MSH6: variants seen among roughly 807,000 people sequenced by gnomAD.
MSH6 encodes the protein mutS homolog 6, also known as DNA mismatch repair protein Msh6.
Under a neutral mutation model 119.1 loss-of-function variants are expected in MSH6, and 85 were observed. The ratio of observed to expected loss-of-function variants is 0.71; its 90% confidence interval spans 0.60 to 0.85. MSH6 has a LOEUF of 0.85. Ranked by LOEUF, MSH6 falls within the 40% of genes least tolerant of loss-of-function variation. The pLI is 0.00. For missense variants in MSH6, 2,163 were observed against 1,655.3 expected (o/e 1.31, Z -5.32); for synonymous variants, 830 against 586.9 (o/e 1.41, Z -5.99).
chr2:47,803,814 AT>A, intron 5 of MSH6, 129 bp downstream of exon 5: 2 of 964,688 alleles, frequency 2.1e-6, no homozygotes, highest in Non-Finnish European at 3.2e-6. Context: ...GCAAAGGGAA[AT>A]TACTCCCTGT....
chr2:47,798,204 G>C (rs1041724690), intron 3 of MSH6: 1 of 178,944 alleles, frequency 5.6e-6, no homozygotes, highest in African/African-American at 2.4e-5. Context: ...AATTTCTAGA[G>C]GTGGGTTCTT....
intron 4 of MSH6, among the ~76,000 whole-genome samples, chr2:47,802,351 T>C (rs1669652346): frequency 6.6e-6 from 1 of 152,180 alleles, no homozygotes; most frequent in African/African-American, 2.4e-5. Flanking sequence ...TTTTAATTTT[T>C]TAGAGACGGG....
intron 2 of MSH6, among the ~76,000 whole-genome samples, chr2:47,795,270 T>C (rs1305345376): frequency 6.6e-6 from 1 of 152,092 alleles, no homozygotes; most frequent in Admixed American, 6.6e-5. Flanking sequence ...GTTTCACCAG[T>C]AGTTTTTCCC....
At chr2:47,805,743 TCTTAAA>T (rs1414305094) in intron 7 of MSH6, 36 bp downstream of exon 7, 9 of 1,291,764 alleles carry the variant, frequency 7.0e-6, no homozygotes, top group African/African-American at 1.6e-5. Context: ...AGACTATCTA[TCTTAAA>T]AACATTTGTA....
intron 4 of MSH6, 173 bp downstream of exon 4, chr2:47,801,328 C>G: frequency 3.2e-6 from 1 of 311,982 alleles, no homozygotes; most frequent in Non-Finnish European, 5.5e-6. Context: ...TTGAAACTCG[C>G]TTTTATCTTA....
chr2:47,791,160 G>A (rs769083199), intron 2 of MSH6, 37 bp downstream of exon 2: 3 of 1,546,220 alleles, frequency 1.9e-6, no homozygotes, highest in East Asian at 2.2e-5. Context: ...GTGTTTGTGT[G>A]TGTGTGTGTG....
intron 4 of MSH6, among the ~76,000 whole-genome samples, chr2:47,801,996 G>A (rs1572732416): frequency 6.6e-6 from 1 of 152,126 alleles, no homozygotes; most frequent in Non-Finnish European, 1.5e-5. Context: ...ATTTTAGATC[G>A]AATTTTATTT....
At chr2:47,802,745 T>A (rs961226030) in intron 4 of MSH6, among the ~76,000 whole-genome samples, 1 of 151,036 alleles carries the variant, frequency 6.6e-6, no homozygotes, top group Non-Finnish European at 1.5e-5. Flanking sequence ...CAGAATAATA[T>A]ACTTCCTTTT....
At chr2:47,809,658 A>C, downstream of MSH6, 1 of 1,613,636 alleles carries the variant, frequency 6.2e-7, no homozygotes. Flanking sequence ...GGTTGTTAAA[A>C]ATCTGATTGC....
chr2:47,790,339 G>A (rs985990909), intron 1 of MSH6, among the ~76,000 whole-genome samples: 13 of 152,158 alleles, frequency 8.5e-5, no homozygotes, highest in African/African-American at 2.9e-4. Flanking sequence ...CACAAGAATC[G>A]CTTGAACCGG....
In MSH6 at chr2:47,802,011, A is replaced by G. The variant is rs139821114; in HGVS notation, c.3172+856A>G. On this transcript the variant is annotated intron_variant, in intron 4 of 9. Transcript: ENST00000234420. ...ATTTTAGATCGAATTTTATTTATCA[A>G]TAAAAAGTTGAGCTTTTTATTATTT... is the stretch of plus-strand genomic sequence containing the variant. Among the ~76,000 whole-genome samples the G allele has an allele frequency of 5.4e-3, 828 of 152,372 alleles. 5 individuals carry two copies. Among genetic ancestry groups the G allele is most frequent in the African/African-American group, 0.019 (791 of 41,584 alleles).
chr2:47,802,192 C>T (rs1319750845), intron 4 of MSH6, among the ~76,000 whole-genome samples: 1 of 152,160 alleles, frequency 6.6e-6, no homozygotes, highest in Non-Finnish European at 1.5e-5. Flanking sequence ...AAGATTCTTT[C>T]CTACAATTGA....
rs538761360 is a variant in MSH6, at chr2:47,800,930, G to C, written c.2947G>C (p.Glu983Gln). Residue 983 changes from glutamate (E) to glutamine (Q), a missense_variant, in exon 4 of 10, where the codon GAG (glutamate) becomes CAG (glutamine). Transcript: ENST00000234420. The part of the protein sequence containing the change: ...GRNRYQLEIP[E>Q]NFTTRNLPEE... The stretch of plus-strand genomic sequence containing the variant: ...GAACCGTTACCAGCTGGAAATTCCT[G>C]AGAATTTCACCACTCGCAATTTGCC... 6.3e-7 allele frequency: 1 copy of C among 1,577,858 alleles called. No homozygotes were observed. Among genetic ancestry groups the C allele is most frequent in the Non-Finnish European group, 8.6e-7 (1 of 1,163,628 alleles).
At chr2:47,798,093 A>AT (rs962365265) in intron 3 of MSH6, 6 of 197,624 alleles carry the variant, frequency 3.0e-5, no homozygotes, top group East Asian at 1.3e-4. Context: ...AAGTCCAGAG[A>AT]TTTTTTTTCC....
At chr2:47,784,285 G>T in intron 1 of MSH6, 45 of 967,912 alleles carry the variant, frequency 4.6e-5, no homozygotes, top group Non-Finnish European at 5.5e-5. Context: ...ATATTTTGAC[G>T]TATGTGGAAA....
intron 4 of MSH6, among the ~76,000 whole-genome samples, chr2:47,802,338 T>A (rs1016163598): frequency 2.0e-4 from 31 of 152,098 alleles, no homozygotes; most frequent in Admixed American, 9.2e-4. Context: ...TGTTGTATAT[T>A]TTTTTTAATT....
chr2:47,788,915 T>TTTTTTC (rs1668538202), intron 1 of MSH6, among the ~76,000 whole-genome samples: 1 of 59,412 alleles, frequency 1.7e-5, no homozygotes, highest in Non-Finnish European at 3.6e-5. Context: ...TCCTTTTTTT[T>TTTTTTC]TTTTTTGTTT....
At position 47,783,794 on chromosome 2, in the gene MSH6, T is replaced by A. The variant is rs1261884112; in HGVS notation, c.260+301T>A. 4 of 487,194 alleles carry A rather than the reference T, an allele frequency of 8.2e-6. No homozygotes were observed. In the East Asian group the frequency reaches 2.1e-4, roughly 26 times the overall value. The allele number at this position is 487,194 out of a possible 1,614,324, so 30.2% of individuals were successfully genotyped here. ...GTCCCGCCAGGTGGGGGTGCTGGGC[T>A]AAGGAAGGGGCGACGCGCGCAGCTC... On this transcript the variant is annotated intron_variant, in intron 1 of 9. Transcript: ENST00000234420.
At chr2:47,804,844 GA>G in intron 5 of MSH6, 65 bp from the exon 6 acceptor site, 1 of 1,267,110 alleles carries the variant, frequency 7.9e-7, no homozygotes, top group Non-Finnish European at 1.2e-6. Flanking sequence ...GGGTTCATAA[GA>G]AAGACAAAAG....
Sources: gnomAD v4.1 joint callset for allele counts (sites outside exome capture counted in the v4.1 genomes callset) on GRCh38, gnomAD v4.1.1 for gene constraint, MANE v1.5 for transcripts, NCBI Gene and HGNC (gene_info 2026-07-23, HGNC 2026-07-21) for gene names.